The following RAPGEF1 variants were observed in gnomAD, a reference collection of about 807,000 sequenced individuals.
RAPGEF1 encodes the protein Rap guanine nucleotide exchange factor 1.
Under a neutral mutation model 143.3 loss-of-function variants are expected in RAPGEF1, and 33 were observed. The observed-to-expected ratio is 0.23, with a 90% CI of 0.17 to 0.31. The LOEUF (loss-of-function observed/expected upper bound fraction) is 0.31, where lower values mean the gene tolerates loss of function less well. RAPGEF1 is among the 10% of genes least tolerant of loss of function. The pLI is 1.00. For missense variants in RAPGEF1, 1,199 were observed against 1,645.4 expected, an observed-to-expected ratio of 0.73 and a Z score of 4.69; for synonymous variants, 629 against 676.5, an observed-to-expected ratio of 0.93 and a Z score of 1.09.
chr9:131,587,267 A>AACACAC lies in RAPGEF1; in HGVS notation c.3233+463_3233+468dup, dbSNP rs71374113. 3.8e-3 allele frequency among the ~76,000 whole-genome samples: 252 copies of AACACAC among 66,122 alleles called. 24 individuals carry two copies. The highest frequency in any genetic ancestry group is 0.015 in the African/African-American group (217 of 14,172). The allele number at this position is 66,122 out of a possible 152,430, so 43.4% of individuals were successfully genotyped here. A position where few individuals can be genotyped will look rare whatever the true frequency, so the allele number is the denominator to read the frequency against. ...ACCTGCAGAGCGAGACTCCATCTCA[A>AACACAC]ACACACACACACACCTGCAGAGCGA... On this transcript the variant is annotated intron_variant, in intron 22 of 26. Coordinates refer to ENST00000683357, the MANE Select transcript of RAPGEF1 (RefSeq NM_001377935.1).
rs1289062746 is a variant in RAPGEF1 at position 131,626,249 on chromosome 9, C to G, written c.1375G>C (p.Gly459Arg). 6.2e-7 allele frequency: 1 copy of G among 1,613,778 alleles called. No individual in the cohort carries two copies. The highest frequency in any genetic ancestry group is 8.5e-7 in the Non-Finnish European group (1 of 1,179,840). ...LPLGGHPQPD[G>R]PLAPGQQTDT... ...GTCTGCTGCCCTGGGGCCAGAGGTC[C>G]GTCTGGCTGGGGATGGCCGCCAAGA... Residue 459 changes from glycine (G) to arginine (R), a missense_variant, in exon 10 of 27, where the codon GGA becomes CGA. This residue lies in a region of RAPGEF1 where 613 missense variants were observed against 710.9 expected (regional missense o/e 0.86). Coordinates refer to ENST00000683357, the MANE Select transcript of RAPGEF1 (RefSeq NM_001377935.1).
rs533612997 is a variant in RAPGEF1, at chr9:131,640,293, G to GTGC, written c.495-1505_495-1503dup. Among the ~76,000 whole-genome samples the GTGC allele has an allele frequency of 1.9e-4, 29 of 152,342 alleles. No individual in the cohort carries two copies. In the South Asian group the frequency reaches 5.6e-3, roughly 29 times the overall value. On this transcript the variant is annotated intron_variant, in intron 4 of 26. Coordinates refer to ENST00000683357, the MANE Select transcript of RAPGEF1 (RefSeq NM_001377935.1). ...AAGAAGCCTGCTGCCTTCCCCTGAT[G>GTGC]TGCTGTAGGAGGATTCCACCGGAGA...
chr9:131,709,710 T>G (rs764578242), intron 1 of RAPGEF1: 1 of 1,613,748 alleles, frequency 6.2e-7, no homozygotes, highest in East Asian at 2.2e-5. Flanking sequence ...ACAGGGCCCT[T>G]CCCAGCCCCA....
At chr9:131,663,037 G>A (rs959386660) in intron 1 of RAPGEF1, among the ~76,000 whole-genome samples, 7 of 151,692 alleles carry the variant, frequency 4.6e-5, no homozygotes, top group East Asian at 3.9e-4. Flanking sequence ...TGAAGCGAAC[G>A]TCCACATACC....
intron 20 of RAPGEF1, among the ~76,000 whole-genome samples, chr9:131,588,484 TG>T (rs1176646591): frequency 2.0e-5 from 3 of 152,208 alleles, no homozygotes; most frequent in African/African-American, 7.2e-5. Context: ...GGCCACAGAC[TG>T]GCATCAACCA....
At chr9:131,640,388 C>T (rs1385378100) in intron 4 of RAPGEF1, among the ~76,000 whole-genome samples, 1 of 152,324 alleles carries the variant, frequency 6.6e-6, no homozygotes, top group East Asian at 1.9e-4. Context: ...TCACTACTTC[C>T]TTTCTACCTG....
intron 24 of RAPGEF1, among the ~76,000 whole-genome samples, chr9:131,582,992 G>A (rs912588715): frequency 9.2e-5 from 14 of 152,202 alleles, no homozygotes; most frequent in South Asian, 2.1e-4. Context: ...CAGCGCTTGT[G>A]TGTATACGAC....
chr9:131,596,314 A>G lies in RAPGEF1; in HGVS notation c.2673T>C (p.Thr891=). The G allele has an allele frequency of 6.2e-7, 1 of 1,614,010 alleles. No homozygotes were observed. Residue 891 remains threonine (T), a synonymous_variant, in exon 17 of 27, where the codon ACT becomes ACC. Transcript: ENST00000683357. ...GSGDILLVHA[T]ETDRKDLVLY... is the part of the protein sequence containing the mutation. The stretch of plus-strand genomic sequence containing the variant: ...ACACCCTACCTTTCCTGTCAGTCTC[A>G]GTAGCATGGACCAGTAAGATGTCCC...
chr9:131,654,482 G>A (rs541437638), intron 1 of RAPGEF1, among the ~76,000 whole-genome samples: 4 of 152,274 alleles, frequency 2.6e-5, no homozygotes, highest in Non-Finnish European at 5.9e-5. Flanking sequence ...AGGCTGGGGC[G>A]GGAGGATCAC....
At chr9:131,656,955 C>T (rs972728057) in intron 1 of RAPGEF1, among the ~76,000 whole-genome samples, 2 of 152,222 alleles carry the variant, frequency 1.3e-5, no homozygotes, top group African/African-American at 4.8e-5. Context: ...GCACAAGAAG[C>T]CATAAATCAG....
At chr9:131,607,600 G>A (rs1048702221) in intron 12 of RAPGEF1, among the ~76,000 whole-genome samples, 2 of 152,106 alleles carry the variant, frequency 1.3e-5, no homozygotes, top group African/African-American at 4.8e-5. Flanking sequence ...TGCCTTCAGG[G>A]AACCCTTGTA....
chr9:131,686,600 CCA>C (rs1464878882), intron 1 of RAPGEF1, among the ~76,000 whole-genome samples: 6 of 152,296 alleles, frequency 3.9e-5, no homozygotes, highest in African/African-American at 1.4e-4. Flanking sequence ...TTTTTTTCTC[CCA>C]CAGACTTCCT....
At chr9:131,722,212 C>T (rs924248100) in intron 1 of RAPGEF1, among the ~76,000 whole-genome samples, 1 of 152,172 alleles carries the variant, frequency 6.6e-6, no homozygotes, top group African/African-American at 2.4e-5. Flanking sequence ...CTCCAGGTGG[C>T]GCTCCCACTC....
At position 131,592,081 on chromosome 9, in the gene RAPGEF1, T is replaced by A; in HGVS notation, c.2774+18A>T. ...ATGCCCATGGTGCAGGGGCCCTGGG[T>A]CAGGAAGGAAAGGATATCTGTACTG... On this transcript the variant is annotated intron_variant, in intron 18 of 26. Transcript: ENST00000683357. 1 of 1,584,698 alleles carries A rather than the reference T, an allele frequency of 6.3e-7. No individual in the cohort carries two copies. Among genetic ancestry groups the A allele is most frequent in the Non-Finnish European group, 8.7e-7 (1 of 1,153,770 alleles).
chr9:131,585,365 G>GGC (rs1554800952), intron 22 of RAPGEF1, among the ~76,000 whole-genome samples: 15 of 148,726 alleles, frequency 1.0e-4, no homozygotes, highest in Non-Finnish European at 2.2e-4. Context: ...TTTTTGTAGG[G>GGC]GGGGGGCGTC....
chr9:131,712,513 T>C (rs7021329), intron 1 of RAPGEF1, among the ~76,000 whole-genome samples: 132,405 of 152,188 alleles, frequency 0.87, 57,865 homozygotes, highest in African/African-American at 0.95. Context: ...CAGGCCACTC[T>C]GGGCCCTGGA....
At chr9:131,687,687 A>C (rs1257454907) in intron 1 of RAPGEF1, among the ~76,000 whole-genome samples, 8 of 152,214 alleles carry the variant, frequency 5.3e-5, no homozygotes, top group African/African-American at 1.9e-4. Context: ...TAGAACTCAG[A>C]GCAGCCCCTA....
intron 5 of RAPGEF1, among the ~76,000 whole-genome samples, chr9:131,635,791 G>T (rs1966221013): frequency 6.6e-6 from 1 of 152,172 alleles, no homozygotes; most frequent in South Asian, 2.1e-4. Context: ...ACTGACTACT[G>T]CTCCACCTGA....
chr9:131,645,762 C>T (rs947076625), intron 3 of RAPGEF1, among the ~76,000 whole-genome samples: 2 of 152,218 alleles, frequency 1.3e-5, no homozygotes, highest in Non-Finnish European at 2.9e-5. Flanking sequence ...TTCACCTGCG[C>T]ACCCCTCCTG....
Sources: gnomAD v4.1 joint callset for allele counts (sites outside exome capture counted in the v4.1 genomes callset) on GRCh38, gnomAD v4.1.1 for gene constraint, gnomAD v4.1.1 regional missense constraint, MANE v1.5 for transcripts, NCBI Gene and HGNC (gene_info 2026-07-23, HGNC 2026-07-21) for gene names.